The following KALRN variants were observed in gnomAD, a reference collection of about 807,000 sequenced individuals.
KALRN encodes the protein kalirin.
Under a neutral mutation model 353.7 loss-of-function variants are expected in KALRN, and 70 were observed. The observed-to-expected ratio is 0.20, with a 90% CI of 0.16 to 0.24. KALRN has a LOEUF of 0.24. Among genes scored for constraint, KALRN ranks in the 10% least tolerant of loss-of-function variants. The pLI is 1.00. For missense variants in KALRN, 2,791 were observed against 3,756.7 expected (o/e 0.74, Z 6.72); for synonymous variants, 1,391 against 1,434.8 (o/e 0.97, Z 0.69).
chr3:124,259,463 T>C (rs1362432999), intron 3 of KALRN, among the ~76,000 whole-genome samples: 2 of 152,202 alleles, frequency 1.3e-5, no homozygotes, highest in Non-Finnish European at 2.9e-5. Context: ...GAACAGTCTG[T>C]GTATGGCACC....
At chr3:124,167,221 G>A (rs2071013329) in intron 1 of KALRN, among the ~76,000 whole-genome samples, 1 of 152,180 alleles carries the variant, frequency 6.6e-6, no homozygotes. Context: ...CTGCTGACCT[G>A]TGGCTCCTAT....
At chr3:124,551,538 C>A (rs372957089) in intron 33 of KALRN, among the ~76,000 whole-genome samples, 1 of 152,132 alleles carries the variant, frequency 6.6e-6, no homozygotes, top group East Asian at 1.9e-4. Flanking sequence ...GCTCGAGGGT[C>A]CTGCTGGCTC....
chr3:124,653,640 A>G (rs1017599439), intron 38 of KALRN, among the ~76,000 whole-genome samples: 1 of 152,230 alleles, frequency 6.6e-6, no homozygotes, highest in Admixed American at 6.5e-5. Flanking sequence ...AGTGTTCTCA[A>G]GAGAGAGAAC....
At chr3:124,042,820 C>A (rs149302762) in intron 1 of KALRN, among the ~76,000 whole-genome samples, 9 of 152,136 alleles carry the variant, frequency 5.9e-5, no homozygotes, top group African/African-American at 1.9e-4. Flanking sequence ...TGAAGGGAGT[C>A]TGGAGCTTTG....
At chr3:124,303,909 C>T (rs2077462649) in intron 6 of KALRN, among the ~76,000 whole-genome samples, 1 of 152,040 alleles carries the variant, frequency 6.6e-6, no homozygotes, top group African/African-American at 2.4e-5. Context: ...CAAATGACAG[C>T]ACCAAGGAAA....
At chr3:124,311,169 A>G (rs924627713) in intron 6 of KALRN, among the ~76,000 whole-genome samples, 4 of 146,600 alleles carry the variant, frequency 2.7e-5, no homozygotes, top group Admixed American at 1.4e-4. Flanking sequence ...GGCTATAATC[A>G]AAAACTCTGG....
intron 1 of KALRN, chr3:124,152,573 T>TTTTC (rs1307033419): frequency 1.7e-4 from 5 of 29,146 alleles, no homozygotes; most frequent in African/African-American, 2.7e-4. Flanking sequence ...TTTTCTTTTC[T>TTTTC]TTTCTTTCTT....
At chr3:124,057,439 A>G (rs1375747749) in intron 1 of KALRN, among the ~76,000 whole-genome samples, 1 of 152,222 alleles carries the variant, frequency 6.6e-6, no homozygotes, top group Non-Finnish European at 1.5e-5. Context: ...ATAAAGGCCA[A>G]GAAGATAAAA....
chr3:124,441,227 G>T (rs1007269062), intron 18 of KALRN, among the ~76,000 whole-genome samples: 1 of 152,142 alleles, frequency 6.6e-6, no homozygotes, highest in African/African-American at 2.4e-5. Context: ...TTTTCAAGTG[G>T]GTTTATGTTT....
intron 34 of KALRN, among the ~76,000 whole-genome samples, chr3:124,614,605 A>C (rs1273791892): frequency 6.4e-5 from 9 of 140,022 alleles, no homozygotes; most frequent in Admixed American, 2.9e-4. Context: ...CTGTGTCACC[A>C]TGTCACCCAG....
chr3:124,085,251 C>G (rs1015918481), intron 1 of KALRN, among the ~76,000 whole-genome samples: 2 of 152,210 alleles, frequency 1.3e-5, no homozygotes, highest in Non-Finnish European at 2.9e-5. Context: ...CCCATCCATC[C>G]TGTAAGTAGC....
At position 124,356,842 on chromosome 3, in the gene KALRN, A is replaced by T. The variant is rs368509014; in HGVS notation, c.1770+9577A>T. Reference sequence around the variant, plus strand: ...TTCTCACTTTACACAAACTCCCTGAACAATTTAGACTCTCTCTCAGTCTCA... The same window carrying T: ...TTCTCACTTTACACAAACTCCCTGATCAATTTAGACTCTCTCTCAGTCTCA... On this transcript the variant is annotated intron_variant, in intron 10 of 59. Transcript: ENST00000682506. Among the ~76,000 whole-genome samples, 56 of 152,238 alleles carry T rather than the reference A, an allele frequency of 3.7e-4. No individual in the cohort carries two copies. The East Asian group carries it at 7.9e-3, about 22-fold the overall frequency.
chr3:124,067,286 G>A (rs763890597), intron 1 of KALRN, among the ~76,000 whole-genome samples: 10 of 151,900 alleles, frequency 6.6e-5, no homozygotes, highest in Non-Finnish European at 1.2e-4. Context: ...TGACCTTGAC[G>A]GTTCTTTCCT....
intron 1 of KALRN, among the ~76,000 whole-genome samples, chr3:124,223,276 A>C (rs1007371366): frequency 3.3e-5 from 5 of 152,120 alleles, no homozygotes; most frequent in Non-Finnish European, 7.3e-5. Context: ...GGAATAGGAA[A>C]ATTTCAAAAT....
At chr3:124,212,073 G>A (rs534567035) in intron 1 of KALRN, among the ~76,000 whole-genome samples, 1 of 152,126 alleles carries the variant, frequency 6.6e-6, no homozygotes, top group South Asian at 2.1e-4. Flanking sequence ...AAGCGGCAGA[G>A]GATTATAAAA....
intron 1 of KALRN, among the ~76,000 whole-genome samples, chr3:124,047,567 ACTGCAAGCTC>A (rs1221903457): frequency 7.0e-6 from 1 of 142,768 alleles, no homozygotes; most frequent in Non-Finnish European, 1.5e-5. Context: ...ATCTCTGTTC[ACTGCAAGCTC>A]TGCCCCCTGG....
At chr3:124,228,870 T>G (rs1213869056) in intron 2 of KALRN, among the ~76,000 whole-genome samples, 1 of 152,192 alleles carries the variant, frequency 6.6e-6, no homozygotes, top group African/African-American at 2.4e-5. Flanking sequence ...CTCTCCCAGC[T>G]TCCAATGGCT....
chr3:124,499,406 A>G (rs934071500), intron 33 of KALRN, among the ~76,000 whole-genome samples: 1 of 152,206 alleles, frequency 6.6e-6, no homozygotes, highest in African/African-American at 2.4e-5. Flanking sequence ...TACATAAAAT[A>G]TTTGCTTGAT....
At chr3:124,477,185 TG>T in intron 26 of KALRN, 59 bp from the exon 27 acceptor site, 1 of 1,238,304 alleles carries the variant, frequency 8.1e-7, no homozygotes, top group Non-Finnish European at 1.2e-6. Context: ...TCCTTCAGCA[TG>T]GTGGACAGAA....
Sources: allele counts gnomAD v4.1 joint callset (sites outside exome capture counted in the v4.1 genomes callset), GRCh38; gene constraint gnomAD v4.1.1; transcripts MANE v1.5; gene names NCBI Gene and HGNC (gene_info 2026-07-23, HGNC 2026-07-21).